CDH18: variants seen among roughly 807,000 people sequenced by gnomAD.
CDH18 encodes cadherin-18.
A neutral mutation model predicts 67.9 loss-of-function variants in CDH18; 31 were observed. That is an observed-to-expected ratio of 0.46 (90% CI 0.34 to 0.62). CDH18 has a LOEUF of 0.62. CDH18 is among the 20% of genes least tolerant of loss of function. The pLI is 0.01. For synonymous variants in CDH18, 362 were observed against 347.2 expected, an observed-to-expected ratio of 1.04 and a Z score of -0.48; for missense variants, 890 against 975.5, an observed-to-expected ratio of 0.91 and a Z score of 1.17.
intron 4 of CDH18, among the ~76,000 whole-genome samples, chr5:19,739,874 G>A (rs944560596): frequency 9.9e-5 from 15 of 152,042 alleles, no homozygotes; most frequent in African/African-American, 3.4e-4. Flanking sequence ...CTAAATCAGC[G>A]CTCCAACAAG....
chr5:19,887,656 C>A (rs1264854266), intron 2 of CDH18, among the ~76,000 whole-genome samples: 1 of 151,668 alleles, frequency 6.6e-6, no homozygotes, highest in African/African-American at 2.4e-5. Context: ...GTAGCCTTAA[C>A]CCCCTGGGGT....
chr5:20,529,264 T>TG (rs1223650246), intron 1 of CDH18, among the ~76,000 whole-genome samples: 2 of 147,240 alleles, frequency 1.4e-5, no homozygotes, highest in African/African-American at 2.6e-5. Flanking sequence ...AGCCTACCAA[T>TG]GGGGAAAAAA....
chr5:20,048,207 A>G (rs570207002), intron 2 of CDH18, among the ~76,000 whole-genome samples: 3 of 151,770 alleles, frequency 2.0e-5, no homozygotes, highest in African/African-American at 7.2e-5. Context: ...AATATTTACA[A>G]TGGTGCCATA....
At chr5:20,454,890 A>G (rs1426843722) in intron 1 of CDH18, among the ~76,000 whole-genome samples, 1 of 152,128 alleles carries the variant, frequency 6.6e-6, no homozygotes, top group Admixed American at 6.6e-5. Context: ...TGTCTAGGAA[A>G]GGGGTTATGT....
chr5:19,951,988 G>T (rs950844982), intron 2 of CDH18, among the ~76,000 whole-genome samples: 11 of 152,050 alleles, frequency 7.2e-5, no homozygotes, highest in Non-Finnish European at 1.5e-4. Flanking sequence ...TACTGTATCT[G>T]AAAAGATCCT....
intron 6 of CDH18, among the ~76,000 whole-genome samples, chr5:19,596,713 T>C (rs1004248157): frequency 6.6e-6 from 1 of 152,214 alleles, no homozygotes; most frequent in Non-Finnish European, 1.5e-5. Context: ...AACAGATTCC[T>C]GGTACAGGCA....
chr5:19,675,365 C>T (rs140354261), intron 5 of CDH18, among the ~76,000 whole-genome samples: 2,981 of 152,062 alleles, frequency 0.02, 94 homozygotes, highest in African/African-American at 0.067. Context: ...CCTAATAAGC[C>T]TGGGAGCGCT....
intron 2 of CDH18, among the ~76,000 whole-genome samples, chr5:20,235,158 C>T (rs993461287): frequency 2.0e-5 from 3 of 152,112 alleles, no homozygotes; most frequent in Non-Finnish European, 1.5e-5. Context: ...AAATGTAAGA[C>T]TTCAAAATAT....
intron 5 of CDH18, among the ~76,000 whole-genome samples, chr5:19,696,728 T>G (rs1762589782): frequency 6.6e-6 from 1 of 152,110 alleles, no homozygotes; most frequent in South Asian, 2.1e-4. Context: ...GTTTTGAATA[T>G]GATTTATCAT....
chr5:20,051,978 C>A (rs567091671), intron 2 of CDH18, among the ~76,000 whole-genome samples: 1 of 152,120 alleles, frequency 6.6e-6, no homozygotes, highest in African/African-American at 2.4e-5. Context: ...AAATACCTCT[C>A]TCACTTATGG....
chr5:20,450,026 G>T (rs1750308243), intron 1 of CDH18, among the ~76,000 whole-genome samples: 1 of 151,482 alleles, frequency 6.6e-6, no homozygotes, highest in Non-Finnish European at 1.5e-5. Context: ...GTGTGTGTGT[G>T]TTATGTACAT....
chr5:20,129,145 T>C (rs1490203474), intron 2 of CDH18, among the ~76,000 whole-genome samples: 3 of 151,890 alleles, frequency 2.0e-5, no homozygotes, highest in Non-Finnish European at 4.4e-5. Context: ...CTCCATTATG[T>C]AGAAAAGGTT....
At chr5:19,908,070 G>C (rs1177878357) in intron 2 of CDH18, among the ~76,000 whole-genome samples, 2 of 151,830 alleles carry the variant, frequency 1.3e-5, no homozygotes, top group Non-Finnish European at 2.9e-5. Context: ...TCTTCTATTT[G>C]CTTTGTGTTT....
chr5:19,615,130 AG>A (rs11309066), intron 5 of CDH18, among the ~76,000 whole-genome samples: 86,251 of 150,338 alleles, frequency 0.57, 27,216 homozygotes, highest in South Asian at 0.75. Context: ...CCGGTGACAG[AG>A]GGAGACTCCA....
intron 1 of CDH18, among the ~76,000 whole-genome samples, chr5:20,361,688 A>G (rs931622673): frequency 6.6e-5 from 10 of 152,138 alleles, no homozygotes; most frequent in Admixed American, 3.3e-4. Flanking sequence ...AAGGGCCTAA[A>G]GTGGCATATT....
At chr5:20,364,241 A>T (rs1277844376) in intron 1 of CDH18, among the ~76,000 whole-genome samples, 1 of 152,024 alleles carries the variant, frequency 6.6e-6, no homozygotes, top group Non-Finnish European at 1.5e-5. Context: ...GTACATGTGT[A>T]TGCATGTACA....
chr5:20,275,239 G>A (rs1040176205), intron 1 of CDH18, among the ~76,000 whole-genome samples: 8 of 151,968 alleles, frequency 5.3e-5, no homozygotes, highest in African/African-American at 1.9e-4. Flanking sequence ...TCATGAGGGT[G>A]GATCTCCCCC....
chr5:20,206,286 T>A (rs527667148), intron 2 of CDH18, among the ~76,000 whole-genome samples: 3 of 151,848 alleles, frequency 2.0e-5, no homozygotes, highest in African/African-American at 7.2e-5. Flanking sequence ...GAATGAGCCA[T>A]GAAGAAACAG....
chr5:20,035,298 A>C (rs1739753136), intron 2 of CDH18, among the ~76,000 whole-genome samples: 1 of 152,160 alleles, frequency 6.6e-6, no homozygotes, highest in East Asian at 1.9e-4. Context: ...TGGATTTACA[A>C]TTATTTATTT....
Sources: allele counts gnomAD v4.1 joint callset (sites outside exome capture counted in the v4.1 genomes callset), GRCh38; gene constraint gnomAD v4.1.1; transcripts MANE v1.5; gene names NCBI Gene and HGNC (gene_info 2026-07-23, HGNC 2026-07-21).